TCF4: variants seen among roughly 807,000 people sequenced by gnomAD.
TCF4 encodes the protein SL3-3 enhancer factor 2.
A neutral mutation model predicts 82.1 loss-of-function variants in TCF4; 3 were observed. The observed-to-expected ratio is 0.04, with a 90% CI of 0.02 to 0.09. The LOEUF is 0.09. TCF4 is among the 10% of genes least tolerant of loss of function. TCF4 has a pLI of 1.00. For missense variants in TCF4, 518 were observed against 852.7 expected (o/e 0.61, Z 4.89); for synonymous variants, 276 against 309.6 (o/e 0.89, Z 1.14).
At chr18:55,435,966 A>G (rs1027221955) in intron 5 of TCF4, among the ~76,000 whole-genome samples, 1 of 152,220 alleles carries the variant, frequency 6.6e-6, no homozygotes, top group Non-Finnish European at 1.5e-5. Context: ...AGTATGTGAC[A>G]CAAGTCTGAT....
intron 2 of TCF4, among the ~76,000 whole-genome samples, chr18:55,599,408 C>T (rs1001104186): frequency 5.9e-5 from 9 of 152,150 alleles, no homozygotes; most frequent in Admixed American, 1.3e-4. Flanking sequence ...TTATACTTAA[C>T]ACAAAAACTT....
intron 8 of TCF4, among the ~76,000 whole-genome samples, chr18:55,282,565 T>G (rs1359157837): frequency 6.6e-6 from 1 of 152,076 alleles, no homozygotes; most frequent in Non-Finnish European, 1.5e-5. Flanking sequence ...TAAGAAAAGC[T>G]CATACCCATT....
At chr18:55,365,967 TATAGATATAGATATAGATATAGATATAG>T (rs2086949675) in intron 6 of TCF4, among the ~76,000 whole-genome samples, 1 of 3,270 alleles carries the variant, frequency 3.1e-4, no homozygotes, top group Non-Finnish European at 4.8e-4. Flanking sequence ...TAAAATTGTT[TATAGATATAGATATAGATATAGATATAG>T]ATATAGATAT....
At chr18:55,425,457 G>T (rs2094939116) in intron 5 of TCF4, among the ~76,000 whole-genome samples, 1 of 150,124 alleles carries the variant, frequency 6.7e-6, no homozygotes, top group South Asian at 2.1e-4. Flanking sequence ...TTCCCCAATG[G>T]ATCCTATAAT....
At chr18:55,413,902 G>A (rs904243763) in intron 5 of TCF4, among the ~76,000 whole-genome samples, 7 of 152,254 alleles carry the variant, frequency 4.6e-5, no homozygotes, top group Admixed American at 2.0e-4. Context: ...ACAATATAGG[G>A]AATTTAATAT....
intron 3 of TCF4, among the ~76,000 whole-genome samples, chr18:55,564,436 T>C (rs2097383257): frequency 6.6e-6 from 1 of 152,174 alleles, no homozygotes; most frequent in East Asian, 1.9e-4. Context: ...AGAAAGTACT[T>C]AGGAGGCTAC....
intron 3 of TCF4, among the ~76,000 whole-genome samples, chr18:55,516,946 A>C (rs1441295884): frequency 2.0e-5 from 3 of 152,218 alleles, no homozygotes; most frequent in Non-Finnish European, 4.4e-5. Context: ...TTTAAAGATC[A>C]CTGCTCCATT....
At position 55,380,034 on chromosome 18, in the gene TCF4, T is replaced by C. The variant is rs536831691; in HGVS notation, c.369+23420A>G. Among the ~76,000 whole-genome samples the C allele has an allele frequency of 3.9e-5, 6 of 152,198 alleles. No homozygotes were observed. In the East Asian group the frequency reaches 1.2e-3, roughly 29 times the overall value. On this transcript the variant is annotated intron_variant, in intron 6 of 19. Coordinates refer to ENST00000354452, the MANE Select transcript of TCF4 (RefSeq NM_001083962.2). Reference sequence around the variant, plus strand: ...GACTACAGAGGTATGTGTCACCACATCTGGCTAATTTTGTTTTCTTTTTTT... The same window carrying C: ...GACTACAGAGGTATGTGTCACCACACCTGGCTAATTTTGTTTTCTTTTTTT...
At chr18:55,299,296 T>C (rs150946919) in intron 8 of TCF4, among the ~76,000 whole-genome samples, 6,610 of 151,998 alleles carry the variant, frequency 0.043, 234 homozygotes, top group South Asian at 0.17. Context: ...CCTGTAATCC[T>C]AGCTACTTGG....
chr18:55,348,906 G>T (rs1036700119), intron 8 of TCF4, among the ~76,000 whole-genome samples: 9 of 151,986 alleles, frequency 5.9e-5, no homozygotes, highest in Non-Finnish European at 1.3e-4. Context: ...TTAAGTTCAG[G>T]CATGTTTAAA....
At chr18:55,291,193 T>A (rs866683162) in intron 8 of TCF4, among the ~76,000 whole-genome samples, 2 of 152,262 alleles carry the variant, frequency 1.3e-5, no homozygotes, top group Middle Eastern at 3.4e-3. Context: ...ACCTAGGTCT[T>A]TTCATTTGAA....
chr18:55,257,475 T>C lies in TCF4; in HGVS notation c.1070-84A>G, dbSNP rs146064553. 8,814 of 1,245,496 alleles carry C rather than the reference T, an allele frequency of 7.1e-3. 43 individuals are homozygous for C. The highest frequency in any genetic ancestry group is 8.6e-3 in the Non-Finnish European group (7,319 of 847,796). 77.2% of individuals were successfully genotyped at this position (1,245,496 alleles called of 1,614,324 possible). A position where few individuals can be genotyped will look rare whatever the true frequency, so the allele number is the denominator to read the frequency against. The stretch of plus-strand genomic sequence containing the variant: ...ATATTTTAAACAGTCCTTTTGGAAA[T>C]GGCAATGGCAATGATGATTTTCATT... On this transcript the variant is annotated intron_variant, in intron 13 of 19. Coordinates refer to ENST00000354452, the MANE Select transcript of TCF4 (RefSeq NM_001083962.2).
At chr18:55,467,320 A>G (rs537712883) in intron 3 of TCF4, among the ~76,000 whole-genome samples, 6 of 152,206 alleles carry the variant, frequency 3.9e-5, no homozygotes, top group African/African-American at 1.4e-4. Context: ...GCATTTCCTC[A>G]ATAACTATTC....
chr18:55,313,175 G>A (rs1449707187), intron 8 of TCF4, among the ~76,000 whole-genome samples: 1 of 152,104 alleles, frequency 6.6e-6, no homozygotes, highest in Non-Finnish European at 1.5e-5. Context: ...ACACTCCTAT[G>A]GCAACTGTGG....
chr18:55,635,686 C>T (rs1016891173), intron 1 of TCF4: 1 of 1,543,240 alleles, frequency 6.5e-7, no homozygotes, highest in African/African-American at 1.4e-5. Flanking sequence ...TAAAGTAGCC[C>T]AAATGCTGGT....
intron 6 of TCF4, among the ~76,000 whole-genome samples, chr18:55,373,012 A>G (rs1275910430): frequency 6.6e-6 from 1 of 152,166 alleles, no homozygotes; most frequent in Non-Finnish European, 1.5e-5. Flanking sequence ...AGCAAAAAAT[A>G]TAAAACAAAG....
chr18:55,521,904 T>C (rs1320860716), intron 3 of TCF4, among the ~76,000 whole-genome samples: 1 of 152,090 alleles, frequency 6.6e-6, no homozygotes, highest in African/African-American at 2.4e-5. Context: ...AACATACATT[T>C]ACAGTCCTCT....
At chr18:55,232,344 G>T in intron 17 of TCF4, 165 bp downstream of exon 17, 1 of 716,734 alleles carries the variant, frequency 1.4e-6, no homozygotes, top group Non-Finnish European at 2.3e-6. Context: ...TAGAGTACAG[G>T]TATCTGAAAC....
In TCF4 at chr18:55,401,324, C is replaced by T. The variant is rs1398636945; in HGVS notation, c.369+2130G>A. 18 of 1,169,090 alleles carry T rather than the reference C, an allele frequency of 1.5e-5. No homozygotes were observed. The East Asian group carries it at 1.8e-4, about 12-fold the overall frequency. 72.4% of individuals were successfully genotyped at this position (1,169,090 alleles called of 1,614,324 possible). A position where few individuals can be genotyped will look rare whatever the true frequency, so the allele number is the denominator to read the frequency against. ...CTGTTTATGGAGATTGCTGCGACCA[C>T]GCTAAGCACAGAGATAGTAGACTCT... is the stretch of plus-strand genomic sequence containing the variant. On this transcript the variant is annotated intron_variant, in intron 6 of 19. Coordinates refer to ENST00000354452, the MANE Select transcript of TCF4 (RefSeq NM_001083962.2).
Sources: allele counts gnomAD v4.1 joint callset (sites outside exome capture counted in the v4.1 genomes callset), GRCh38; gene constraint gnomAD v4.1.1; transcripts MANE v1.5; gene names NCBI Gene and HGNC (gene_info 2026-07-23, HGNC 2026-07-21).